IL6ST: variants seen among roughly 807,000 people sequenced by gnomAD.
IL6ST encodes the protein interleukin 6 cytokine family signal transducer, also known as interleukin-6 receptor subunit beta.
A neutral mutation model predicts 91.3 loss-of-function variants in IL6ST; 24 were observed. The ratio of observed to expected loss-of-function variants is 0.26; its 90% CI spans 0.19 to 0.37. The LOEUF (loss-of-function observed/expected upper bound fraction) is 0.37. Ranked by LOEUF, IL6ST falls within the 10% of genes least tolerant of loss-of-function variation. The pLI, the probability that IL6ST is intolerant of heterozygous loss-of-function variation, is 1.00. For missense variants in IL6ST, 914 were observed against 1,078.5 expected (o/e 0.85, Z 2.14); for synonymous variants, 351 against 373.6 (o/e 0.94, Z 0.70).
intron 8 of IL6ST, 147 bp from the exon 9 acceptor site, chr5:55,957,438 C>G: frequency 2.1e-6 from 1 of 468,048 alleles, no homozygotes. Flanking sequence ...TTTCCCAACC[C>G]AGCACAAAAC....
rs527596237 is a variant in IL6ST, at chr5:55,994,898, G to A, written c.-218C>T. ...GCGGCCCCCGGTTCAGCTGCGCCGG[G>A]GCGGCCCAGCGCGACTCCGCGGGCC... On this transcript the variant is annotated 5_prime_UTR_variant, in exon 1 of 17. Coordinates refer to ENST00000381298, the MANE Select transcript of IL6ST (RefSeq NM_002184.4). 6.6e-6 allele frequency: 1 copy of A among 152,382 alleles called. No individual in the cohort carries two copies. Among genetic ancestry groups the A allele is most frequent in the African/African-American group, 2.4e-5 (1 of 41,566 alleles). 9.4% of individuals were successfully genotyped at this position (152,382 alleles called of 1,614,324 possible).
At chr5:55,942,546 C>T in intron 16 of IL6ST, 124 bp downstream of exon 16, 2 of 517,166 alleles carry the variant, frequency 3.9e-6, no homozygotes, top group South Asian at 3.2e-5. Flanking sequence ...CTTTTTGATT[C>T]AGCTTGAATA....
intron 1 of IL6ST, among the ~76,000 whole-genome samples, chr5:55,990,910 C>T (rs1260026242): frequency 2.1e-5 from 3 of 141,856 alleles, no homozygotes; most frequent in Non-Finnish European, 4.6e-5. Flanking sequence ...CCATGACAGG[C>T]CCTGGTGTGT....
chr5:55,980,173 G>A (rs1336694493), intron 2 of IL6ST, among the ~76,000 whole-genome samples: 1 of 152,156 alleles, frequency 6.6e-6, no homozygotes, highest in South Asian at 2.1e-4. Context: ...GTAGGGAGAC[G>A]CTCCACCATA....
chr5:55,990,011 A>G (rs1044839492), intron 1 of IL6ST, among the ~76,000 whole-genome samples: 3 of 152,204 alleles, frequency 2.0e-5, no homozygotes, highest in Non-Finnish European at 4.4e-5. Context: ...AAAAAGACTG[A>G]GCAGATCAAT....
chr5:55,977,563 C>G (rs1036267820), intron 2 of IL6ST, among the ~76,000 whole-genome samples: 1 of 151,986 alleles, frequency 6.6e-6, no homozygotes, highest in Non-Finnish European at 1.5e-5. Flanking sequence ...CGATGGCTCA[C>G]GCCTGTAATC....
At chr5:55,991,631 T>C (rs954821142) in intron 1 of IL6ST, among the ~76,000 whole-genome samples, 3 of 148,300 alleles carry the variant, frequency 2.0e-5, no homozygotes, top group Admixed American at 6.6e-5. Flanking sequence ...CCTCAACAGC[T>C]TTTTAAAGGG....
Position 55,963,415 on chromosome 5 carries a change from C to T in IL6ST, c.750G>A (p.Lys250=). 1.9e-6 allele frequency: 3 copies of T among 1,597,616 alleles called. No individual in the cohort carries two copies. Among genetic ancestry groups the T allele is most frequent in the Non-Finnish European group, 2.6e-6 (3 of 1,165,622 alleles). Residue 250 remains lysine, a synonymous_variant, in exon 7 of 17, where the codon AAG becomes AAA. Transcript: ENST00000381298. ...TGTTATATTTTAGTATTATAACACT[C>T]TTAATACTTGGGTTGGTCCATGTCA... ...LKLTWTNPSI[K]SVIILKYNIQ...
intron 11 of IL6ST, 103 bp from the exon 12 acceptor site, chr5:55,952,454 C>A: frequency 1.6e-6 from 1 of 623,018 alleles, no homozygotes; most frequent in South Asian, 2.7e-5. Context: ...ACTTAATTTT[C>A]TTTTAAAACT....
In IL6ST at chr5:55,954,792, G is replaced by A. The variant is rs536063132; in HGVS notation, c.1450+18C>T. On this transcript the variant is annotated intron_variant, in intron 11 of 16. Coordinates refer to ENST00000381298, the MANE Select transcript of IL6ST (RefSeq NM_002184.4). ...TTAGAAAAAGGATATCAATTTAGAT[G>A]TTTCTAGCCAGGTATACCTCTTAAA... 1.3e-5 allele frequency: 20 copies of A among 1,563,666 alleles called. No homozygotes were observed. The East Asian group carries it at 4.3e-4, about 34-fold the overall frequency.
At chr5:55,952,573 G>T (rs1401180026) in intron 11 of IL6ST, among the ~76,000 whole-genome samples, 1 of 152,082 alleles carries the variant, frequency 6.6e-6, no homozygotes, top group Non-Finnish European at 1.5e-5. Context: ...ACATTGTTAA[G>T]AACAATGATG....
chr5:55,985,970 C>T (rs1327636213), intron 1 of IL6ST, among the ~76,000 whole-genome samples: 1 of 152,200 alleles, frequency 6.6e-6, no homozygotes, highest in Non-Finnish European at 1.5e-5. Context: ...GGTAGGATGA[C>T]TCCTACTCTA....
At chr5:55,960,276 TA>T (rs1752232746) in intron 8 of IL6ST, 125 bp downstream of exon 8, 1 of 712,174 alleles carries the variant, frequency 1.4e-6, no homozygotes, top group Non-Finnish European at 2.3e-6. Flanking sequence ...ATTAAAACGT[TA>T]AAATACTGCA....
intron 14 of IL6ST, chr5:55,950,344 C>T (rs1258151462): frequency 5.9e-6 from 2 of 337,562 alleles, no homozygotes; most frequent in East Asian, 1.6e-4. Flanking sequence ...CGAGACCATC[C>T]CAGCCAACAT....
intron 2 of IL6ST, among the ~76,000 whole-genome samples, chr5:55,981,785 T>C (rs1020791656): frequency 2.0e-5 from 3 of 152,238 alleles, no homozygotes; most frequent in Admixed American, 6.5e-5. Context: ...TCTATGCATA[T>C]ATTATAACCA....
chr5:55,969,326 G>A (rs918041855), intron 4 of IL6ST, among the ~76,000 whole-genome samples: 1 of 151,616 alleles, frequency 6.6e-6, no homozygotes, highest in African/African-American at 2.4e-5. Flanking sequence ...CTGTGGTGGG[G>A]GGGGTCTCAT....
chr5:55,946,319 A>C (rs1751247341), intron 15 of IL6ST, among the ~76,000 whole-genome samples: 1 of 152,240 alleles, frequency 6.6e-6, no homozygotes. Flanking sequence ...AAAGTTGAAC[A>C]TATACTTACC....
chr5:55,969,271 G>A (rs35420421), intron 4 of IL6ST, among the ~76,000 whole-genome samples: 77 of 152,048 alleles, frequency 5.1e-4, no homozygotes, highest in Non-Finnish European at 8.8e-4. Flanking sequence ...AGCAATTAAG[G>A]GATACTGAGA....
Position 55,966,390 on chromosome 5 carries a change from CT to C in IL6ST, c.491+1885del, listed in dbSNP as rs1752633003. ...GATTGACTGAAGGAGCAGGAAGGAA[CT>C]TTTTAGGTGTGTTAGTCATGTTCTA... On this transcript the variant is annotated intron_variant, in intron 5 of 16. Coordinates refer to ENST00000381298, the MANE Select transcript of IL6ST (RefSeq NM_002184.4). Among the ~76,000 whole-genome samples, 3 of 152,150 alleles carry C rather than the reference CT, an allele frequency of 2.0e-5. No individual in the cohort carries two copies. In the South Asian group the frequency reaches 6.2e-4, roughly 31 times the overall value.
Sources: allele counts gnomAD v4.1 joint callset (sites outside exome capture counted in the v4.1 genomes callset), GRCh38; gene constraint gnomAD v4.1.1; transcripts MANE v1.5; gene names NCBI Gene and HGNC (gene_info 2026-07-23, HGNC 2026-07-21).